The following DACH2 variants were observed in gnomAD, a reference collection of about 807,000 sequenced individuals.
The protein encoded by DACH2 is dachshund family transcription factor 2.
Under a neutral mutation model 35.8 loss-of-function variants are expected in DACH2, and 17 were observed. The ratio of observed to expected loss-of-function variants is 0.48; its 90% CI spans 0.33 to 0.71. The LOEUF is 0.71. Among genes scored for constraint, DACH2 ranks in the 30% least tolerant of loss-of-function variants. The pLI is 0.02. For synonymous variants in DACH2, 195 were observed against 177.3 expected, an observed-to-expected ratio of 1.10 and a Z score of -0.79; for missense variants, 469 against 472.7, an observed-to-expected ratio of 0.99 and a Z score of 0.07.
chrX:86,189,584 G>A (rs932841076), intron 1 of DACH2, among the ~76,000 whole-genome samples: 1 of 111,384 alleles, frequency 9.0e-6, no homozygotes, highest in African/African-American at 3.3e-5. Context: ...TGAAGGCCCT[G>A]AAGTAGGGTG....
chrX:86,440,623 CAT>C (rs1167860209), intron 2 of DACH2, among the ~76,000 whole-genome samples: 1 of 111,420 alleles, frequency 9.0e-6, no homozygotes, highest in Non-Finnish European at 1.9e-5. Flanking sequence ...ACACATCTAA[CAT>C]ATTTGTTACT....
chrX:86,649,440 C>CCATTTGTTTAAAT (rs2148405250), intron 3 of DACH2, among the ~76,000 whole-genome samples: 1 of 110,829 alleles, frequency 9.0e-6, no homozygotes, highest in Non-Finnish European at 1.9e-5. Flanking sequence ...TAAGCAATGT[C>CCATTTGTTTAAAT]CATTTGTTTA....
intron 2 of DACH2, among the ~76,000 whole-genome samples, chrX:86,430,241 A>T (rs1397427289): frequency 1.8e-5 from 2 of 112,417 alleles, no homozygotes; most frequent in Non-Finnish European, 3.8e-5. Context: ...GATAGGCACT[A>T]GGTGCATGTA....
chrX:86,423,623 A>G lies in DACH2; in HGVS notation c.527+46761A>G, dbSNP rs188176099. 2.8e-4 allele frequency among the ~76,000 whole-genome samples: 31 copies of G among 108,819 alleles called. No homozygotes were observed. In the East Asian group the frequency reaches 3.8e-3, roughly 13 times the overall value. The allele number at this position is 108,819 out of a possible 115,157, so 94.5% of individuals were successfully genotyped here. ...CTCCCATTCTGTGAGTTGTGTCTTC[A>G]TTGATTGTTTCCTTTACTATGCAGA... On this transcript the variant is annotated intron_variant, in intron 2 of 11. Coordinates refer to ENST00000373125, the MANE Select transcript of DACH2 (RefSeq NM_053281.3).
rs963035467 is a variant in DACH2 at position 86,514,386 on chromosome X, C to T, written c.635C>T (p.Pro212Leu). 5.0e-6 allele frequency: 6 copies of T among 1,205,203 alleles called. No homozygotes were observed. Among genetic ancestry groups the T allele is most frequent in the Middle Eastern group, 2.3e-4 (1 of 4,330 alleles). ...PGLLSPGLIT[P>L]TGITAAAMAE... Reference sequence around the variant, plus strand: ...CTCTTATCGCCAGGACTTATCACTCCGACAGGTAATAAAATCCATCTGATG... The same window carrying T: ...CTCTTATCGCCAGGACTTATCACTCTGACAGGTAATAAAATCCATCTGATG... Residue 212 changes from proline (P) to leucine (L), a missense_variant, in exon 3 of 12, where the codon CCG becomes CTG. Around this residue, in one of 3 missense-constraint regions of DACH2, gnomAD observed 363 missense variants for 334.4 expected, o/e 1.09. Transcript: ENST00000373125.
At chrX:86,177,850 C>A (rs920568828) in intron 1 of DACH2, among the ~76,000 whole-genome samples, 9 of 98,560 alleles carry the variant, frequency 9.1e-5, no homozygotes, top group African/African-American at 4.7e-4. Context: ...CCTTCTTTAT[C>A]TAGCATTGAA....
chrX:86,217,728 A>C (rs2032611266), intron 1 of DACH2, among the ~76,000 whole-genome samples: 1 of 111,841 alleles, frequency 8.9e-6, no homozygotes, highest in South Asian at 3.7e-4. Flanking sequence ...TATAACTGAC[A>C]AAAAAGAAAT....
At chrX:86,587,051 A>G (rs1206797773) in intron 3 of DACH2, among the ~76,000 whole-genome samples, 1 of 111,918 alleles carries the variant, frequency 8.9e-6, no homozygotes, top group East Asian at 2.8e-4. Context: ...ATGAGCATGG[A>G]ATGCTTTTCT....
intron 3 of DACH2, among the ~76,000 whole-genome samples, chrX:86,570,426 T>C (rs768384120): frequency 9.0e-6 from 1 of 111,501 alleles, no homozygotes; most frequent in Non-Finnish European, 1.9e-5. Flanking sequence ...AATGAGATTA[T>C]GTCCTTTGCA....
intron 3 of DACH2, among the ~76,000 whole-genome samples, chrX:86,567,005 G>A (rs1054290892): frequency 3.6e-5 from 4 of 111,709 alleles, no homozygotes; most frequent in African/African-American, 1.3e-4. Flanking sequence ...AACATGTACA[G>A]AGTGACTACT....
intron 11 of DACH2, chrX:86,828,599 G>A (rs2042583378): frequency 9.0e-6 from 1 of 111,646 alleles, no homozygotes; most frequent in Non-Finnish European, 1.9e-5. Flanking sequence ...TAAGAAAAGA[G>A]AAAGATGGGT....
At chrX:86,688,328 G>A (rs2040972430) in intron 4 of DACH2, among the ~76,000 whole-genome samples, 1 of 111,358 alleles carries the variant, frequency 9.0e-6, no homozygotes, top group African/African-American at 3.3e-5. Context: ...GGGCCAATTG[G>A]AGGAGATGAG....
chrX:86,514,224 T>C (rs754884052), intron 2 of DACH2, 55 bp from the exon 3 acceptor site: 1 of 1,047,469 alleles, frequency 9.5e-7, no homozygotes, highest in African/African-American at 1.9e-5. Context: ...AGTGATGGTT[T>C]TCTCAAAAAG....
chrX:86,307,065 A>G (rs1252154550), intron 1 of DACH2, among the ~76,000 whole-genome samples: 2 of 111,979 alleles, frequency 1.8e-5, no homozygotes, highest in African/African-American at 6.5e-5. Context: ...CATGAAAGGC[A>G]AGGAGTTTAG....
chrX:86,293,380 T>G (rs760146009), intron 1 of DACH2, among the ~76,000 whole-genome samples: 2 of 109,238 alleles, frequency 1.8e-5, no homozygotes, highest in South Asian at 8.3e-4. Context: ...ACTATCCAAT[T>G]TGCCAGTCAA....
At chrX:86,787,444 G>T (rs928680823) in intron 7 of DACH2, among the ~76,000 whole-genome samples, 3 of 110,103 alleles carry the variant, frequency 2.7e-5, no homozygotes, top group East Asian at 5.8e-4. Context: ...GCAGAACCCT[G>T]TCTCTACTAA....
intron 7 of DACH2, among the ~76,000 whole-genome samples, chrX:86,797,903 A>G (rs943267273): frequency 1.8e-5 from 2 of 111,947 alleles, no homozygotes; most frequent in African/African-American, 6.5e-5. Flanking sequence ...TGCGTTCCAC[A>G]CTTAACTTTT....
chrX:86,717,698 A>G (rs1395740512), intron 6 of DACH2, among the ~76,000 whole-genome samples: 1 of 106,113 alleles, frequency 9.4e-6, no homozygotes, highest in African/African-American at 3.4e-5. Flanking sequence ...AAATTATATT[A>G]AAAAGCAAAC....
At chrX:86,754,438 A>C (rs1287691802) in intron 7 of DACH2, among the ~76,000 whole-genome samples, 1 of 111,447 alleles carries the variant, frequency 9.0e-6, no homozygotes, top group African/African-American at 3.3e-5. Flanking sequence ...CATCTTTTTA[A>C]ATGGAGAAAC....
Sources: gnomAD v4.1 joint callset for allele counts (sites outside exome capture counted in the v4.1 genomes callset) on GRCh38, gnomAD v4.1.1 for gene constraint, gnomAD v4.1.1 regional missense constraint, MANE v1.5 for transcripts, NCBI Gene and HGNC (gene_info 2026-07-23, HGNC 2026-07-21) for gene names.